MORN1: variants seen among roughly 807,000 people sequenced by gnomAD.
The protein encoded by MORN1 is MORN repeat-containing protein 1.
Under a neutral mutation model 61.9 loss-of-function variants are expected in MORN1, and 67 were observed. The ratio of observed to expected loss-of-function variants is 1.08; its 90% CI spans 0.89 to 1.33. The LOEUF (loss-of-function observed/expected upper bound fraction) is 1.33, where lower values mean the gene tolerates loss of function less well. MORN1 is among the 40% of genes most tolerant of loss of function. The probability of loss-of-function intolerance (pLI) is 0.00; values close to 1 mark genes in which losing one functional copy is unlikely to be tolerated. For missense variants in MORN1, 752 were observed against 691.2 expected (o/e 1.09, Z -0.99); for synonymous variants, 301 against 292.0 (o/e 1.03, Z -0.31).
chr1:2,327,956 G>A lies in MORN1; in HGVS notation c.1251-3813C>T, dbSNP rs1257894466. Among the ~76,000 whole-genome samples the A allele has an allele frequency of 2.6e-5, 4 of 152,264 alleles. No individual in the cohort carries two copies. In the East Asian group the frequency reaches 7.7e-4, roughly 29 times the overall value. Reference sequence around the variant, plus strand: ...GGCCAGATGCTCCGAGAAGCCAAGAGGCCTCCCGAGGAGCCCGTCACAGGC... The same window carrying A: ...GGCCAGATGCTCCGAGAAGCCAAGAAGCCTCCCGAGGAGCCCGTCACAGGC... On this transcript the variant is annotated intron_variant, in intron 12 of 13. Transcript: ENST00000378531.
chr1:2,347,681 G>A (rs116357906), intron 10 of MORN1, among the ~76,000 whole-genome samples: 3,628 of 152,294 alleles, frequency 0.024, 154 homozygotes, highest in African/African-American at 0.084. Flanking sequence ...GATGCTCCCA[G>A]TGGCCTCAGG....
In MORN1 at chr1:2,386,079, C is replaced by T. The variant is rs139277108; in HGVS notation, c.359-182G>A. On this transcript the variant is annotated intron_variant, in intron 4 of 13. Transcript: ENST00000378531. ...ACCTGGCTACACAGAGGCCTCAGCA[C>T]GGCTCGGTGAGGCTCTGAACGGGAA... 4.7e-3 allele frequency: 2,848 copies of T among 601,168 alleles called. 14 individuals are homozygous for T. The highest frequency in any genetic ancestry group is 5.9e-3 in the Non-Finnish European group (1,962 of 334,742). 37.2% of individuals were successfully genotyped at this position (601,168 alleles called of 1,614,324 possible).
intron 8 of MORN1, among the ~76,000 whole-genome samples, chr1:2,370,193 A>G (rs1642084155): frequency 6.6e-6 from 1 of 152,086 alleles, no homozygotes; most frequent in East Asian, 1.9e-4. Flanking sequence ...ATCAACCCTG[A>G]CTCTTAGGGC....
At chr1:2,330,629 G>A (rs1392145444) in intron 12 of MORN1, among the ~76,000 whole-genome samples, 6 of 152,202 alleles carry the variant, frequency 3.9e-5, no homozygotes, top group South Asian at 2.1e-4. Flanking sequence ...ATGACTAATC[G>A]CAGAAGTCTT....
At chr1:2,384,402 A>T (rs972292384) in intron 6 of MORN1, among the ~76,000 whole-genome samples, 1 of 152,172 alleles carries the variant, frequency 6.6e-6, no homozygotes, top group Non-Finnish European at 1.5e-5. Flanking sequence ...CCTGTCACAG[A>T]CCAGAATGTA....
At chr1:2,351,818 G>A in intron 10 of MORN1, 2 of 540,692 alleles carry the variant, frequency 3.7e-6, no homozygotes, top group Non-Finnish European at 3.6e-6. Flanking sequence ...TCATTCTGTG[G>A]TCCGTGTGTG....
intron 12 of MORN1, among the ~76,000 whole-genome samples, chr1:2,325,279 C>T (rs1459590390): frequency 9.8e-6 from 1 of 101,588 alleles, no homozygotes; most frequent in African/African-American, 4.8e-5. Context: ...CTCTCTTTCT[C>T]TCTCTCTCCT....
chr1:2,324,914 G>T (rs1170134931), intron 12 of MORN1, among the ~76,000 whole-genome samples: 1 of 151,886 alleles, frequency 6.6e-6, no homozygotes, highest in African/African-American at 2.4e-5. Flanking sequence ...GAAGCAGGTG[G>T]GCCCTGAGGA....
At chr1:2,358,800 T>C in intron 8 of MORN1, 85 bp from the exon 9 acceptor site, 1 of 1,507,836 alleles carries the variant, frequency 6.6e-7, no homozygotes, top group South Asian at 1.2e-5. Flanking sequence ...TCTGGGACGC[T>C]GTGTTTATAA....
rs76962161 is a variant in MORN1, at chr1:2,323,868, C to T, written c.1297+229G>A. The T allele has an allele frequency of 2.7e-4, 267 of 985,230 alleles. 1 individual carries two copies. The highest frequency in any genetic ancestry group is 1.6e-3 in the African/African-American group (90 of 57,286). The allele number at this position is 985,230 out of a possible 1,614,324, so 61.0% of individuals were successfully genotyped here. Reference sequence around the variant, plus strand: ...ACATTCCCCACATCAAGGGCTGTGTCGGCCCAGCTTCAAATCTTTCTGGAC... The same window carrying T: ...ACATTCCCCACATCAAGGGCTGTGTTGGCCCAGCTTCAAATCTTTCTGGAC... On this transcript the variant is annotated intron_variant, in intron 13 of 13. Coordinates refer to ENST00000378531, the MANE Select transcript of MORN1 (RefSeq NM_024848.3).
chr1:2,332,196 C>G (rs188546916), intron 12 of MORN1: 1 of 192,386 alleles, frequency 5.2e-6, no homozygotes. Context: ...AGGTGCCCAG[C>G]GGGGCTGCCT....
chr1:2,336,906 G>C, intron 10 of MORN1, 56 bp from the exon 11 acceptor site: 1 of 1,478,798 alleles, frequency 6.8e-7, no homozygotes. Context: ...GAGACGGAGG[G>C]AGCCCCACAG....
chr1:2,356,718 CTG>C (rs2100302390), intron 10 of MORN1, among the ~76,000 whole-genome samples: 1 of 152,358 alleles, frequency 6.6e-6, no homozygotes, highest in African/African-American at 2.4e-5. Flanking sequence ...GAGACGCACA[CTG>C]TGCTGCGCGG....
At chr1:2,335,828 T>TAGCCCAGCCCAGCGC (rs1553208713) in intron 12 of MORN1, among the ~76,000 whole-genome samples, 4 of 143,014 alleles carry the variant, frequency 2.8e-5, no homozygotes, top group African/African-American at 1.2e-4. Flanking sequence ...CTCGCCTCCA[T>TAGCCCAGCCCAGCGC]AGCCCAGCCC....
chr1:2,337,515 T>C lies in MORN1; in HGVS notation c.1037-665A>G, dbSNP rs1569938021. Among the ~76,000 whole-genome samples, 1 of 152,034 alleles carries C rather than the reference T, an allele frequency of 6.6e-6. No homozygotes were observed. Among genetic ancestry groups the C allele is most frequent in the African/African-American group, 2.4e-5 (1 of 41,386 alleles). On this transcript the variant is annotated intron_variant, in intron 10 of 13. Coordinates refer to ENST00000378531, the MANE Select transcript of MORN1 (RefSeq NM_024848.3). The surrounding 1 kb of genome is among the most constrained non-coding windows in gnomAD (Gnocchi z 5.7). ...TCTCCCGGGGTCCCAGGGTGCGAGG[T>C]ATGGGGGCTCCCCTCTGGCTTCCCC...
chr1:2,374,467 G>C lies in MORN1; in HGVS notation c.628C>G (p.Pro210Ala). The change falls in exon 7 of 14, where the codon CCA (proline) becomes GCA (alanine). Residue 210 changes from proline to alanine, a missense_variant. Coordinates refer to ENST00000378531, the MANE Select transcript of MORN1 (RefSeq NM_024848.3). ...TYYGLWINGH[P>A]AEQATRIVIL... The stretch of plus-strand genomic sequence containing the variant: ...GGAAGGCAGGGACACCTACCTGCTG[G>C]GTGGCCATTGATCCACAACCCATAA... The C allele has an allele frequency of 6.3e-7, 1 of 1,591,594 alleles. No homozygotes were observed.
At chr1:2,335,802 C>T (rs1200598186) in intron 12 of MORN1, among the ~76,000 whole-genome samples, 1 of 151,700 alleles carries the variant, frequency 6.6e-6, no homozygotes, top group Non-Finnish European at 1.5e-5. Flanking sequence ...CCCCAGGGCA[C>T]ATCAGCGGGG....
intron 6 of MORN1, chr1:2,376,824 G>C (rs1161527687): frequency 1.3e-5 from 2 of 152,150 alleles, no homozygotes; most frequent in Non-Finnish European, 2.9e-5. Context: ...CAATAGCCCG[G>C]TCTTGTCTAA....
chr1:2,341,692 GAA>G (rs68071614), intron 10 of MORN1, among the ~76,000 whole-genome samples: 133 of 133,812 alleles, frequency 9.9e-4, no homozygotes, highest in Admixed American at 7.2e-3. Context: ...TCCGTCTCAA[GAA>G]AAAAAAAAAA....
Sources: gnomAD v4.1 joint callset for allele counts (sites outside exome capture counted in the v4.1 genomes callset) on GRCh38, gnomAD v4.1.1 for gene constraint, Gnocchi (gnomAD v3.1) non-coding constraint, MANE v1.5 for transcripts, NCBI Gene and HGNC (gene_info 2026-07-23, HGNC 2026-07-21) for gene names.